Variants in CR1L observed in about 807,000 individuals in gnomAD.
CR1L encodes complement C3b/C4b receptor 1 like, also known as complement component receptor 1-like protein.
In CR1L, 59 loss-of-function variants were observed where a neutral mutation model predicts 62.3. The observed-to-expected ratio is 0.95, with a 90% CI of 0.77 to 1.18. The LOEUF is 1.18. Ranked by LOEUF, CR1L falls within the 50% of genes most tolerant of loss-of-function variation. The pLI, the probability that CR1L is intolerant of heterozygous loss-of-function variation, is 0.00. For synonymous variants in CR1L, 279 were observed against 248.7 expected, an observed-to-expected ratio of 1.12 and a Z score of -1.15; for missense variants, 700 against 702.8, an observed-to-expected ratio of 1.00 and a Z score of 0.04.
intron 8 of CR1L, among the ~76,000 whole-genome samples, chr1:207,701,253 C>A (rs1664186136): frequency 2.0e-5 from 3 of 152,064 alleles, no homozygotes; most frequent in Admixed American, 2.0e-4. Flanking sequence ...CCATAAATGA[C>A]CTTTACATTT....
chr1:207,669,575 T>G (rs1663577522), intron 1 of CR1L: 4 of 1,486,510 alleles, frequency 2.7e-6, no homozygotes, highest in South Asian at 1.2e-5. Flanking sequence ...GGTGAAACGC[T>G]GGGGGGCGTG....
intron 11 of CR1L, among the ~76,000 whole-genome samples, 177 bp downstream of exon 11, chr1:207,717,868 T>C (rs1320731275): frequency 1.3e-5 from 2 of 152,142 alleles, no homozygotes; most frequent in Non-Finnish European, 2.9e-5. Flanking sequence ...CTGTCTCAAT[T>C]ATTGGTATTC....
At chr1:207,717,330 A>G (rs1654022921) in intron 10 of CR1L, 134 bp from the exon 11 acceptor site, 1 of 1,046,154 alleles carries the variant, frequency 9.6e-7, no homozygotes, top group African/African-American at 1.6e-5. Context: ...TACAGATTTA[A>G]ATTCCATCCA....
At chr1:207,660,723 T>A (rs1014166140) in intron 1 of CR1L, among the ~76,000 whole-genome samples, 5 of 152,252 alleles carry the variant, frequency 3.3e-5, no homozygotes, top group Non-Finnish European at 7.3e-5. Context: ...TCTAGTTCTT[T>A]TAATTGTGAT....
intron 1 of CR1L, among the ~76,000 whole-genome samples, chr1:207,673,102 C>A (rs1432251021): frequency 6.6e-6 from 1 of 152,126 alleles, no homozygotes; most frequent in Admixed American, 6.5e-5. Flanking sequence ...CAACTGATCA[C>A]AACTTGATGA....
intron 10 of CR1L, among the ~76,000 whole-genome samples, chr1:207,711,842 T>C (rs957953956): frequency 6.6e-6 from 1 of 150,490 alleles, no homozygotes; most frequent in Non-Finnish European, 1.5e-5. Flanking sequence ...GAGGTTGCAG[T>C]GAGCTAAGAT....
intron 5 of CR1L, among the ~76,000 whole-genome samples, chr1:207,696,517 C>A (rs997841897): frequency 3.9e-5 from 6 of 152,198 alleles, no homozygotes; most frequent in African/African-American, 1.2e-4. Context: ...CAGCACAGCA[C>A]CTCAATATTA....
At chr1:207,699,797 A>G (rs1032021742) in intron 8 of CR1L, among the ~76,000 whole-genome samples, 5 of 152,208 alleles carry the variant, frequency 3.3e-5, no homozygotes, top group African/African-American at 4.8e-5. Context: ...CTGGAGTTAT[A>G]GCAATGAACA....
chr1:207,712,270 G>A (rs1200585486), intron 10 of CR1L, among the ~76,000 whole-genome samples: 1 of 152,194 alleles, frequency 6.6e-6, no homozygotes, highest in Non-Finnish European at 1.5e-5. Flanking sequence ...CCTGAATAAT[G>A]ATGGTACAAA....
intron 4 of CR1L, among the ~76,000 whole-genome samples, chr1:207,690,006 C>T (rs962392312): frequency 4.5e-4 from 68 of 151,838 alleles, no homozygotes; most frequent in African/African-American, 1.4e-3. Flanking sequence ...CTTCTTTTTC[C>T]TTAATTAGTT....
Position 207,671,284 on chromosome 1 carries a change from T to A in CR1L, c.98-6105T>A, listed in dbSNP as rs192869638. Among the ~76,000 whole-genome samples the A allele has an allele frequency of 6.3e-4, 95 of 151,076 alleles. 1 individual carries two copies. Among genetic ancestry groups the A allele is most frequent in the Admixed American group, 9.2e-4 (14 of 15,270 alleles). Reference sequence around the variant, plus strand: ...CCATGACTAAGCAGTCGTGCAAGACTGCAGGATCACTGAAAAGGGAGAAAT... The same window carrying A: ...CCATGACTAAGCAGTCGTGCAAGACAGCAGGATCACTGAAAAGGGAGAAAT... On this transcript the variant is annotated intron_variant, in intron 1 of 11. Coordinates refer to ENST00000508064, the MANE Select transcript of CR1L (RefSeq NM_175710.2).
At chr1:207,690,975 A>G (rs1465898971) in intron 4 of CR1L, among the ~76,000 whole-genome samples, 2 of 152,108 alleles carry the variant, frequency 1.3e-5, no homozygotes, top group African/African-American at 4.8e-5. Flanking sequence ...ATCTACAAAG[A>G]CTCTCCAAAC....
chr1:207,667,078 C>G (rs1017052751), intron 1 of CR1L, among the ~76,000 whole-genome samples: 1 of 152,178 alleles, frequency 6.6e-6, no homozygotes, highest in Non-Finnish European at 1.5e-5. Flanking sequence ...ATTCTCACAC[C>G]TCCTGGCCTT....
At chr1:207,681,240 G>C (rs553495303) in intron 3 of CR1L, among the ~76,000 whole-genome samples, 2 of 152,302 alleles carry the variant, frequency 1.3e-5, no homozygotes, top group East Asian at 3.9e-4. Flanking sequence ...CAAAAGTCTA[G>C]ACATGTTCAC....
In CR1L at chr1:207,721,452, C is replaced by T. The variant is rs1267527524; in HGVS notation, c.1643-2166C>T. On this transcript the variant is annotated intron_variant, in intron 11 of 11. Coordinates refer to ENST00000508064, the MANE Select transcript of CR1L (RefSeq NM_175710.2). ...TGAGAATATGCGGTGTTTGGTTTTT[C>T]GTTCTTGCGATAGTTTACTGAGAAT... Among the ~76,000 whole-genome samples, 18 of 150,262 alleles carry T rather than the reference C, an allele frequency of 1.2e-4. 1 individual carries two copies. The highest frequency in any genetic ancestry group is 3.4e-3 in the Middle Eastern group (1 of 294).
intron 2 of CR1L, 46 bp from the exon 3 acceptor site, chr1:207,678,152 T>A (rs936620606): frequency 6.4e-7 from 1 of 1,564,680 alleles, no homozygotes; most frequent in Non-Finnish European, 8.8e-7. Flanking sequence ...TAAAAAAAAA[T>A]TCAGTTTACT....
At chr1:207,670,464 T>G (rs1396139322) in intron 1 of CR1L, among the ~76,000 whole-genome samples, 4 of 151,064 alleles carry the variant, frequency 2.6e-5, no homozygotes, top group African/African-American at 5.0e-5. Flanking sequence ...GGTAAACATC[T>G]TCAGTTAGAA....
At chr1:207,688,552 T>G (rs917032113) in intron 4 of CR1L, among the ~76,000 whole-genome samples, 3 of 152,224 alleles carry the variant, frequency 2.0e-5, no homozygotes, top group Non-Finnish European at 4.4e-5. Context: ...ATTTACTTGG[T>G]GATTCTTGGC....
intron 1 of CR1L, among the ~76,000 whole-genome samples, chr1:207,672,214 C>G (rs1186143337): frequency 6.6e-6 from 1 of 150,456 alleles, no homozygotes; most frequent in Non-Finnish European, 1.5e-5. Context: ...ATGCTAGTCA[C>G]AGAAAGCAGG....
Sources: allele counts gnomAD v4.1 joint callset (sites outside exome capture counted in the v4.1 genomes callset), GRCh38; gene constraint gnomAD v4.1.1; transcripts MANE v1.5; gene names NCBI Gene and HGNC (gene_info 2026-07-23, HGNC 2026-07-21).